The following ANO1 variants were observed in gnomAD, a reference collection of about 807,000 sequenced individuals.
ANO1 encodes the protein anoctamin-1.
Under a neutral mutation model 124.0 loss-of-function variants are expected in ANO1, and 59 were observed. That is an observed-to-expected ratio of 0.48 (90% CI 0.39 to 0.59). The LOEUF (loss-of-function observed/expected upper bound fraction) is 0.59, where lower values mean the gene tolerates loss of function less well. Ranked by LOEUF, ANO1 falls within the 20% of genes least tolerant of loss-of-function variation. ANO1 has a pLI of 0.00. For synonymous variants in ANO1, 529 were observed against 532.0 expected, an observed-to-expected ratio of 0.99 and a Z score of 0.08; for missense variants, 1,059 against 1,328.0, an observed-to-expected ratio of 0.80 and a Z score of 3.15.
intron 1 of ANO1, chr11:70,085,776 C>T (rs1230530767): frequency 1.5e-6 from 2 of 1,314,650 alleles, no homozygotes; most frequent in African/African-American, 3.0e-5. Flanking sequence ...CCCTCTCCCC[C>T]ACTGCAGTGC....
rs557441526 is a variant in ANO1, at chr11:70,167,408, G to A, written c.2197+21G>A. Reference sequence around the variant, plus strand: ...AATGAGTGAGTGATGGCCGGGGCAGGCAGGTGACATCAGGATAGAAACAGG... The same window carrying A: ...AATGAGTGAGTGATGGCCGGGGCAGACAGGTGACATCAGGATAGAAACAGG... On this transcript the variant is annotated intron_variant, in intron 21 of 25. Coordinates refer to ENST00000355303, the MANE Select transcript of ANO1 (RefSeq NM_018043.7). 5.0e-6 allele frequency: 8 copies of A among 1,602,028 alleles called. No homozygotes were observed. In the African/African-American group the frequency reaches 5.4e-5, roughly 11 times the overall value.
At position 70,189,166 on chromosome 11, in the gene ANO1, C is replaced by G. The variant is rs1228804744; in HGVS notation, c.*1162C>G. 1 of 152,546 alleles carries G rather than the reference C, an allele frequency of 6.6e-6. No individual in the cohort carries two copies. The highest frequency in any genetic ancestry group is 1.5e-5 in the Non-Finnish European group (1 of 68,030). 9.4% of individuals were successfully genotyped at this position (152,546 alleles called of 1,614,324 possible). ...TTTGCAGCAATGATACTAAACAACTCTCTGAAATTTCTCAAGCACCAAGAG... is the reference window on the plus strand; with the variant it reads ...TTTGCAGCAATGATACTAAACAACTGTCTGAAATTTCTCAAGCACCAAGAG... On this transcript the variant is annotated 3_prime_UTR_variant, in exon 26 of 26. Coordinates refer to ENST00000355303, the MANE Select transcript of ANO1 (RefSeq NM_018043.7).
chr11:70,101,198 T>C (rs2045256799), intron 2 of ANO1, among the ~76,000 whole-genome samples: 1 of 152,064 alleles, frequency 6.6e-6, no homozygotes, highest in African/African-American at 2.4e-5. Flanking sequence ...CTGGAAGCTT[T>C]GCCCAGGTCC....
intron 12 of ANO1, among the ~76,000 whole-genome samples, chr11:70,150,699 G>A (rs776105480): frequency 5.3e-5 from 8 of 151,892 alleles, no homozygotes; most frequent in Admixed American, 1.3e-4. Flanking sequence ...CATGCCTGGC[G>A]AATTGTTTAA....
chr11:70,118,127 G>T (rs1032587528), intron 8 of ANO1, among the ~76,000 whole-genome samples: 1 of 151,618 alleles, frequency 6.6e-6, no homozygotes, highest in African/African-American at 2.4e-5. Context: ...TTCTTCCATG[G>T]ACACCAGTAG....
rs190386954 is a variant in ANO1 at position 70,017,842 on chromosome 11, C to G, written c.58+31676C>G. Among the ~76,000 whole-genome samples, 506 of 152,114 alleles carry G rather than the reference C, an allele frequency of 3.3e-3. 4 individuals carry two copies. The highest frequency in any genetic ancestry group is 0.012 in the African/African-American group (486 of 41,494). On this transcript the variant is annotated intron_variant, in intron 1 of 27. Transcript: ENST00000531349. ...GCCTATTTTCCCATTTTTAATGAAG[C>G]CTTTTACACAAACAAACCCATATGC...
intron 21 of ANO1, among the ~76,000 whole-genome samples, chr11:70,169,748 A>G (rs144709964): frequency 1.3e-5 from 2 of 152,154 alleles, no homozygotes; most frequent in East Asian, 3.9e-4. Context: ...ATTCCCCGCC[A>G]TGGCCCATCC....
intron 24 of ANO1, 73 bp from the exon 25 acceptor site, chr11:70,185,517 G>A (rs771018316): frequency 2.7e-5 from 38 of 1,425,404 alleles, no homozygotes; most frequent in Admixed American, 3.6e-5. Flanking sequence ...GGCGTCCCTC[G>A]AGCTGCCTGA....
chr11:70,171,793 C>A (rs572910138), intron 22 of ANO1, among the ~76,000 whole-genome samples: 1 of 152,174 alleles, frequency 6.6e-6, no homozygotes, highest in African/African-American at 2.4e-5. Flanking sequence ...ATGACGAAAC[C>A]CTGTCTCTAC....
At chr11:70,175,675 G>A (rs1315473125) in intron 22 of ANO1, among the ~76,000 whole-genome samples, 1 of 152,242 alleles carries the variant, frequency 6.6e-6, no homozygotes, top group East Asian at 1.9e-4. Context: ...CACTGCATGT[G>A]GGCAGGAGTG....
At chr11:70,000,068 C>T (rs1194485488) in intron 1 of ANO1, among the ~76,000 whole-genome samples, 1 of 152,152 alleles carries the variant, frequency 6.6e-6, no homozygotes, top group Non-Finnish European at 1.5e-5. Context: ...ACAGAGGACT[C>T]CCAGGGGAAT....
intron 22 of ANO1, 61 bp downstream of exon 22, chr11:70,171,100 G>T (rs2048453691): frequency 6.4e-7 from 1 of 1,560,916 alleles, no homozygotes. Flanking sequence ...TGGGGAGGGG[G>T]TTGCTCCTCT....
intron 19 of ANO1, chr11:70,163,641 G>A (rs1220150891): frequency 3.0e-5 from 18 of 591,400 alleles, no homozygotes; most frequent in African/African-American, 7.5e-5. Flanking sequence ...TTCTGGTTAA[G>A]ATGAATTAAT....
intron 1 of ANO1, among the ~76,000 whole-genome samples, chr11:69,993,975 G>A (rs993148504): frequency 3.3e-5 from 5 of 152,108 alleles, no homozygotes; most frequent in East Asian, 1.9e-4. Flanking sequence ...GGGCACTCAC[G>A]CATCTGCCCC....
At chr11:70,159,098 T>G (rs1196601829) in intron 16 of ANO1, among the ~76,000 whole-genome samples, 1 of 152,136 alleles carries the variant, frequency 6.6e-6, no homozygotes, top group East Asian at 1.9e-4. Context: ...GCTGGTCTGG[T>G]GGCCCCACGA....
At chr11:70,106,239 G>A (rs1019189226) in intron 5 of ANO1, among the ~76,000 whole-genome samples, 7 of 152,180 alleles carry the variant, frequency 4.6e-5, no homozygotes, top group Non-Finnish European at 1.0e-4. Flanking sequence ...TGCCAGAGGA[G>A]CCAACTGAGG....
upstream of ANO1, among the ~76,000 whole-genome samples, chr11:70,074,326 G>A (rs1279284039): frequency 6.6e-6 from 1 of 152,190 alleles, no homozygotes; most frequent in African/African-American, 2.4e-5. Context: ...CAAGCTCAGT[G>A]CACCCGGGCT....
chr11:70,162,959 C>T (rs944271772), intron 18 of ANO1, among the ~76,000 whole-genome samples: 1 of 152,266 alleles, frequency 6.6e-6, no homozygotes, highest in Non-Finnish European at 1.5e-5. Flanking sequence ...AGGCAGCTAG[C>T]GCAGCAGCTT....
intron 16 of ANO1, among the ~76,000 whole-genome samples, chr11:70,159,706 G>A (rs1468607532): frequency 6.6e-6 from 1 of 152,206 alleles, no homozygotes; most frequent in African/African-American, 2.4e-5. Context: ...CGCGCCCGCT[G>A]GGGTGGAGGG....
Sources: allele counts gnomAD v4.1 joint callset (sites outside exome capture counted in the v4.1 genomes callset), GRCh38; gene constraint gnomAD v4.1.1; transcripts MANE v1.5; gene names NCBI Gene and HGNC (gene_info 2026-07-23, HGNC 2026-07-21).